Variants in DCUN1D4 observed in about 807,000 individuals in gnomAD.
DCUN1D4 encodes DCN1-like protein 4.
Under a neutral mutation model 47.9 loss-of-function variants are expected in DCUN1D4, and 22 were observed. That is an observed-to-expected ratio of 0.46 (90% CI 0.33 to 0.66). DCUN1D4 has a LOEUF of 0.66. DCUN1D4 is among the 30% of genes least tolerant of loss of function. The pLI is 0.02. For synonymous variants in DCUN1D4, 121 were observed against 112.2 expected (o/e 1.08, Z -0.50); for missense variants, 301 against 340.8 (o/e 0.88, Z 0.92).
In DCUN1D4 at chr4:51,913,397, G is replaced by A. The variant is rs772135009; in HGVS notation, c.823+5G>A. On this transcript the variant is annotated splice_donor_5th_base_variant and intron_variant, in intron 10 of 10. Coordinates refer to ENST00000334635, the MANE Select transcript of DCUN1D4 (RefSeq NM_001040402.3). ...ACTATGATGAAGATGGAGCATGTAAGTACTGCCGCTACCATTCTGCCATTC... is the reference window on the plus strand; with the variant it reads ...ACTATGATGAAGATGGAGCATGTAAATACTGCCGCTACCATTCTGCCATTC... 6.2e-7 allele frequency: 1 copy of A among 1,606,556 alleles called. No individual in the cohort carries two copies. The highest frequency in any genetic ancestry group is 8.5e-7 in the Non-Finnish European group (1 of 1,174,018).
At chr4:51,862,886 A>C (rs1725290184) in intron 1 of DCUN1D4, among the ~76,000 whole-genome samples, 1 of 152,062 alleles carries the variant, frequency 6.6e-6, no homozygotes, top group Non-Finnish European at 1.5e-5. Context: ...ATGATGGTGC[A>C]CACTAGTAGT....
intron 1 of DCUN1D4, 85 bp downstream of exon 1, chr4:51,843,352 C>G: frequency 7.0e-7 from 1 of 1,432,178 alleles, no homozygotes; most frequent in Non-Finnish European, 9.2e-7. Context: ...CGCCCCACGC[C>G]TCGGGTCCCG....
In DCUN1D4 at chr4:51,877,778, T is replaced by C. The variant is rs182323900; in HGVS notation, c.267T>C (p.Tyr89=). ...KSRHDSMYRK[Y]DSTRIKTEEE... is the part of the protein sequence containing the mutation. ...CAATTTCCAGCATGTATAGAAAATATGATTCGACTAGAATAAAGACTGAAG... is the reference window on the plus strand; with the variant it reads ...CAATTTCCAGCATGTATAGAAAATACGATTCGACTAGAATAAAGACTGAAG... Residue 89 remains tyrosine (Y), a synonymous_variant, in exon 5 of 11, where the codon TAT becomes TAC. Coordinates refer to ENST00000334635, the MANE Select transcript of DCUN1D4 (RefSeq NM_001040402.3). 4.4e-6 allele frequency: 7 copies of C among 1,608,642 alleles called. No homozygotes were observed. In the Admixed American group the frequency reaches 6.8e-5, roughly 16 times the overall value.
At chr4:51,887,285 G>A (rs1729652109) in intron 6 of DCUN1D4, 1 of 333,484 alleles carries the variant, frequency 3.0e-6, no homozygotes, top group East Asian at 9.3e-5. Context: ...TTGTATTTTA[G>A]TAGAGATGGG....
chr4:51,845,205 T>G, intron 1 of DCUN1D4: 2 of 985,446 alleles, frequency 2.0e-6, no homozygotes, highest in Non-Finnish European at 2.4e-6. Flanking sequence ...AGCACTGGGT[T>G]CCAGCATTCC....
At chr4:51,897,906 A>T (rs1330213842) in intron 7 of DCUN1D4, among the ~76,000 whole-genome samples, 2 of 152,236 alleles carry the variant, frequency 1.3e-5, no homozygotes. Flanking sequence ...GAAAATAAGA[A>T]GGTCATGTGT....
At chr4:51,901,138 C>T (rs548902826) in intron 8 of DCUN1D4, among the ~76,000 whole-genome samples, 4 of 152,248 alleles carry the variant, frequency 2.6e-5, no homozygotes, top group South Asian at 2.1e-4. Flanking sequence ...GGGTGTCATT[C>T]GTCTTCCTTC....
chr4:51,907,094 A>G (rs1733007941), intron 8 of DCUN1D4, among the ~76,000 whole-genome samples: 1 of 152,238 alleles, frequency 6.6e-6, no homozygotes, highest in Admixed American at 6.5e-5. Context: ...CTTCACTGAT[A>G]TTACCTAGGT....
chr4:51,865,393 C>T, intron 3 of DCUN1D4: 1 of 165,240 alleles, frequency 6.1e-6, no homozygotes, highest in Non-Finnish European at 1.3e-5. Flanking sequence ...CTGTACAGGT[C>T]ATAGCCTGCA....
chr4:51,862,522 G>A (rs1362022771), intron 1 of DCUN1D4, among the ~76,000 whole-genome samples: 1 of 152,004 alleles, frequency 6.6e-6, no homozygotes, highest in Non-Finnish European at 1.5e-5. Context: ...CTTTCTTTTT[G>A]TCAGAATGGT....
intron 3 of DCUN1D4, among the ~76,000 whole-genome samples, chr4:51,871,630 C>T (rs1329118087): frequency 1.3e-5 from 2 of 152,192 alleles, no homozygotes; most frequent in Non-Finnish European, 2.9e-5. Flanking sequence ...TCTTTTCTTC[C>T]TGCATATACA....
At chr4:51,876,651 G>A (rs543452222) in intron 4 of DCUN1D4, among the ~76,000 whole-genome samples, 1 of 151,766 alleles carries the variant, frequency 6.6e-6, no homozygotes, top group Non-Finnish European at 1.5e-5. Context: ...ATTTTTTTCA[G>A]CCGAACAGAG....
intron 5 of DCUN1D4, among the ~76,000 whole-genome samples, chr4:51,883,163 GAC>G (rs745398123): frequency 3.9e-5 from 6 of 152,200 alleles, no homozygotes; most frequent in Non-Finnish European, 5.9e-5. Context: ...AAGATTACCA[GAC>G]ACAGTCAGTG....
intron 5 of DCUN1D4, among the ~76,000 whole-genome samples, chr4:51,884,069 G>C (rs1729096365): frequency 6.6e-6 from 1 of 151,312 alleles, no homozygotes. Flanking sequence ...CAAAACCCCA[G>C]AAAAAAGTAA....
In DCUN1D4 at chr4:51,844,492, G is replaced by T. The variant is rs530175855; in HGVS notation, c.25+1225G>T. 1,597 of 805,174 alleles carry T rather than the reference G, an allele frequency of 2.0e-3. 2 individuals are homozygous for T. Among genetic ancestry groups the T allele is most frequent in the Admixed American group, 2.2e-3 (36 of 16,072 alleles). 49.9% of individuals were successfully genotyped at this position (805,174 alleles called of 1,614,324 possible). On this transcript the variant is annotated intron_variant, in intron 1 of 10. Transcript: ENST00000334635. The stretch of plus-strand genomic sequence containing the variant: ...CAGCAGCGGGAGCCGGAGGGGTCGG[G>T]CCCTGATGGCCGGGTCGGGGGCTTG...
At chr4:51,874,120 A>G in intron 3 of DCUN1D4, 151 bp from the exon 4 acceptor site, 1 of 455,194 alleles carries the variant, frequency 2.2e-6, no homozygotes, top group Non-Finnish European at 3.8e-6. Flanking sequence ...CATTTTTTCA[A>G]AAAGGAACTA....
At chr4:51,846,863 A>C (rs1274083353) in intron 1 of DCUN1D4, among the ~76,000 whole-genome samples, 1 of 152,120 alleles carries the variant, frequency 6.6e-6, no homozygotes, top group African/African-American at 2.4e-5. Flanking sequence ...CCTCAGGCTC[A>C]TTTGCCTCAT....
Position 51,863,453 on chromosome 4 carries a change from T to C in DCUN1D4, c.42T>C (p.Ser14=). The C allele has an allele frequency of 6.2e-7, 1 of 1,612,310 alleles. No homozygotes were observed. The change falls in exon 2 of 11, where the codon TCT becomes TCC. Residue 14 remains serine (S), a synonymous_variant. Transcript: ENST00000334635. ...DAAAVNFQLN[S]HLSTLANIHK... is the part of the protein sequence containing the mutation. ...CTTTTCAAGATTTTCAGCTGAACTC[T>C]CATCTCTCAACACTGGCAAATATTC...
intron 5 of DCUN1D4, among the ~76,000 whole-genome samples, chr4:51,882,880 C>G (rs1036115436): frequency 6.6e-6 from 1 of 152,018 alleles, no homozygotes; most frequent in Admixed American, 6.6e-5. Flanking sequence ...GTAACTTTCC[C>G]CCCCGGCTCT....
Sources: allele counts gnomAD v4.1 joint callset (sites outside exome capture counted in the v4.1 genomes callset), GRCh38; gene constraint gnomAD v4.1.1; transcripts MANE v1.5; gene names NCBI Gene and HGNC (gene_info 2026-07-23, HGNC 2026-07-21).